TPCN2: variants seen among roughly 807,000 people sequenced by gnomAD.
TPCN2 encodes the protein two pore segment channel 2, also known as two pore channel protein 2.
TPCN2 carries 92 observed loss-of-function variants against 111.4 expected under a neutral mutation model. That is an observed-to-expected ratio of 0.83 (90% CI 0.70 to 0.98). The LOEUF (loss-of-function observed/expected upper bound fraction) is 0.98, where lower values mean the gene tolerates loss of function less well. TPCN2 is among the 50% of genes least tolerant of loss of function. The pLI, the probability that TPCN2 is intolerant of heterozygous loss-of-function variation, is 0.00. For synonymous variants in TPCN2, 405 were observed against 414.5 expected (o/e 0.98, Z 0.28); for missense variants, 995 against 980.1 (o/e 1.02, Z -0.20).
At chr11:69,050,557 T>C (rs1352629206) in intron 1 of TPCN2, among the ~76,000 whole-genome samples, 1 of 152,168 alleles carries the variant, frequency 6.6e-6, no homozygotes, top group Non-Finnish European at 1.5e-5. Context: ...TTTGTATTTT[T>C]AGTAGAGATG....
intron 5 of TPCN2, among the ~76,000 whole-genome samples, chr11:69,060,610 C>A (rs1590713616): frequency 6.6e-6 from 1 of 152,182 alleles, no homozygotes; most frequent in East Asian, 1.9e-4. Flanking sequence ...AGGCTAGTCA[C>A]CTGGATGTAC....
At position 69,069,117 on chromosome 11, in the gene TPCN2, C is replaced by G. The variant is rs566375312; in HGVS notation, c.830-1313C>G. ...GGACTATCTGAGTCCTAGGAAGTGA[C>G]CGCAGTGGGAGCAGGACTGTCTGAG... On this transcript the variant is annotated intron_variant, in intron 8 of 24. Transcript: ENST00000294309. Among the ~76,000 whole-genome samples, 5 of 138,814 alleles carry G rather than the reference C, an allele frequency of 3.6e-5. No homozygotes were observed. In the South Asian group the frequency reaches 1.2e-3, roughly 33 times the overall value. 91.1% of individuals were successfully genotyped at this position (138,814 alleles called of 152,430 possible). A position where few individuals can be genotyped will look rare whatever the true frequency, so the allele number is the denominator to read the frequency against.
chr11:69,062,918 T>G lies in TPCN2; in HGVS notation c.581T>G (p.Phe194Cys). Reference sequence around the variant, plus strand: ...ATCCGCCGGCTTCTCCGTCCCTTCTTCCTGCTGCAGAACTCCTCTATGATG... The same window carrying G: ...ATCCGCCGGCTTCTCCGTCCCTTCTGCCTGCTGCAGAACTCCTCTATGATG... ...LRIRRLLRPF[F>C]LLQNSSMMKK... is the part of the protein sequence containing the mutation. Residue 194 changes from phenylalanine (F) to cysteine (C), a missense_variant, in exon 6 of 25, where the codon TTC becomes TGC. Physicochemically the swap from Phe to Cys is radical, Grantham distance 205 (BLOSUM62 -2). Coordinates refer to ENST00000294309, the MANE Select transcript of TPCN2 (RefSeq NM_139075.4). 1.2e-6 allele frequency: 2 copies of G among 1,613,994 alleles called. No individual in the cohort carries two copies. Among genetic ancestry groups the G allele is most frequent in the Non-Finnish European group, 1.7e-6 (2 of 1,179,912 alleles).
In TPCN2 at chr11:69,085,264, G is replaced by A; in HGVS notation, c.1816G>A (p.Val606Met). The A allele has an allele frequency of 6.2e-7, 1 of 1,613,986 alleles. No homozygotes were observed. Among genetic ancestry groups the A allele is most frequent in the Non-Finnish European group, 8.5e-7 (1 of 1,179,942 alleles). ...IGINLFRGVI[V>M]ALPGNSSLAP... Reference sequence around the variant, plus strand: ...GATCAACTTGTTTAGAGGCGTCATTGTGGCTCTTCCTGGAAACAGCAGGTG... The same window carrying A: ...GATCAACTTGTTTAGAGGCGTCATTATGGCTCTTCCTGGAAACAGCAGGTG... Residue 606 changes from valine (V) to methionine (M), a missense_variant, in exon 20 of 25, where the codon GTG becomes ATG. By Grantham distance (21) the Val-to-Met change is conservative (BLOSUM62 1). Transcript: ENST00000294309.
At chr11:69,055,475 C>G (rs112634076) in intron 4 of TPCN2, 123 bp downstream of exon 4, 1 of 1,066,406 alleles carries the variant, frequency 9.4e-7, no homozygotes, top group Non-Finnish European at 1.3e-6. Context: ...GTACTTTGAC[C>G]CGGTGAGCAA....
At chr11:69,054,939 T>C (rs946656366) in intron 3 of TPCN2, 142 bp downstream of exon 3, 59 of 919,428 alleles carry the variant, frequency 6.4e-5, no homozygotes, top group Middle Eastern at 2.2e-4. Flanking sequence ...TCATCCTCTC[T>C]GGAAAGGAGA....
At chr11:69,070,557 C>T (rs1373027010) in intron 9 of TPCN2, 62 bp downstream of exon 9, 6 of 1,294,054 alleles carry the variant, frequency 4.6e-6, no homozygotes, top group African/African-American at 4.5e-5. Context: ...GGGACCGATA[C>T]ACCCTGCTGC....
At chr11:69,072,771 C>T (rs2134592335) in intron 12 of TPCN2, 63 bp downstream of exon 12, 2 of 1,595,980 alleles carry the variant, frequency 1.3e-6, no homozygotes, top group Middle Eastern at 1.9e-4. Flanking sequence ...GGGCCAGCAG[C>T]CCCTTTTCAG....
At position 69,067,483 on chromosome 11, in the gene TPCN2, G is replaced by T; in HGVS notation, c.727-20G>T. ...GGTGGGGACCCAGTGGTGCCCTGGAGCTGCCGCTTCTGCTCTTAGCAGGAT... is the reference window on the plus strand; with the variant it reads ...GGTGGGGACCCAGTGGTGCCCTGGATCTGCCGCTTCTGCTCTTAGCAGGAT... On this transcript the variant is annotated intron_variant, in intron 7 of 24. Transcript: ENST00000294309. 1 of 1,608,124 alleles carries T rather than the reference G, an allele frequency of 6.2e-7. No homozygotes were observed. Among genetic ancestry groups the T allele is most frequent in the Non-Finnish European group, 8.5e-7 (1 of 1,177,166 alleles).
intron 1 of TPCN2, among the ~76,000 whole-genome samples, chr11:69,053,101 T>C (rs10792012): frequency 0.85 from 129,081 of 152,274 alleles, 56,901 homozygotes; most frequent in Non-Finnish European, 0.99. Context: ...CTGTGGCAGG[T>C]GAGGGGCTTG....
intron 14 of TPCN2, 37 bp downstream of exon 14, chr11:69,078,638 G>A: frequency 6.2e-7 from 1 of 1,613,516 alleles, no homozygotes; most frequent in Admixed American, 1.7e-5. Flanking sequence ...GCACGGAAGT[G>A]CCGGTTCCCG....
intron 19 of TPCN2, among the ~76,000 whole-genome samples, 156 bp from the exon 20 acceptor site, chr11:69,085,054 G>A (rs535237249): frequency 3.3e-5 from 5 of 152,284 alleles, no homozygotes; most frequent in African/African-American, 4.8e-5. Context: ...GGCCAGCTGC[G>A]TGTGTTTTGA....
At chr11:69,085,001 G>T (rs1161242194) in intron 19 of TPCN2, among the ~76,000 whole-genome samples, 1 of 152,190 alleles carries the variant, frequency 6.6e-6, no homozygotes, top group East Asian at 1.9e-4. Context: ...GACCACGCCT[G>T]CCTGAGCCCC....
At chr11:69,054,008 C>T (rs1238446871) in intron 1 of TPCN2, 25 bp from the exon 2 acceptor site, 4 of 1,608,790 alleles carry the variant, frequency 2.5e-6, no homozygotes, top group South Asian at 2.2e-5. Flanking sequence ...TGCTCGGTCA[C>T]CTGATGTGTC....
chr11:69,063,670 C>G (rs1207048724), intron 6 of TPCN2, among the ~76,000 whole-genome samples: 2 of 152,188 alleles, frequency 1.3e-5, no homozygotes, highest in Non-Finnish European at 2.9e-5. Flanking sequence ...TCATTTGTCA[C>G]TGTCAAAGAA....
In TPCN2 at chr11:69,057,501, G is replaced by C. The variant is rs73514485; in HGVS notation, c.430-77G>C. Reference sequence around the variant, plus strand: ...CCTGCTCTGGTCGCCTGGTCCCTGCGCTGCGCACCGTCATTCTCTGGCTGC... The same window carrying C: ...CCTGCTCTGGTCGCCTGGTCCCTGCCCTGCGCACCGTCATTCTCTGGCTGC... On this transcript the variant is annotated intron_variant, in intron 4 of 24. Coordinates refer to ENST00000294309, the MANE Select transcript of TPCN2 (RefSeq NM_139075.4). 20,709 of 1,365,436 alleles carry C rather than the reference G, an allele frequency of 0.015. 2,378 individuals carry two copies. In the African/African-American group the frequency reaches 0.25, roughly 17 times the overall value. The allele number at this position is 1,365,436 out of a possible 1,614,324, so 84.6% of individuals were successfully genotyped here.
intron 24 of TPCN2, 116 bp from the exon 25 acceptor site, chr11:69,087,759 G>A: frequency 1.4e-6 from 1 of 728,518 alleles, no homozygotes; most frequent in African/African-American, 1.8e-5. Context: ...GTGTCTCTGT[G>A]TCCCTGTGAC....
intron 9 of TPCN2, 62 bp from the exon 10 acceptor site, chr11:69,071,294 C>A: frequency 7.2e-7 from 1 of 1,388,580 alleles, no homozygotes; most frequent in Non-Finnish European, 1.0e-6. Context: ...TGCCGGCCAC[C>A]CTTGCGTTGG....
chr11:69,072,967 T>G lies in TPCN2; in HGVS notation c.1196T>G (p.Leu399Arg). ...CTCTCAGCTGAGGAGTTTCAGAAGC[T>G]CTTCAACGAGCTTGACAGAAGTGTG... ...VLLSAEEFQKLFNELDRSVVK... is the reference protein window; with the variant it reads ...VLLSAEEFQKRFNELDRSVVK... Residue 399 changes from leucine to arginine, a missense_variant, in exon 13 of 25, where the codon CTC (leucine) becomes CGC (arginine). Physicochemically the swap from Leu to Arg is moderately radical, Grantham distance 102 (BLOSUM62 -2). Coordinates refer to ENST00000294309, the MANE Select transcript of TPCN2 (RefSeq NM_139075.4). 6.2e-7 allele frequency: 1 copy of G among 1,613,968 alleles called. No homozygotes were observed. The highest frequency in any genetic ancestry group is 1.1e-5 in the South Asian group (1 of 91,010).
Sources: allele counts gnomAD v4.1 joint callset (sites outside exome capture counted in the v4.1 genomes callset), GRCh38; gene constraint gnomAD v4.1.1; transcripts MANE v1.5; gene names NCBI Gene and HGNC (gene_info 2026-07-23, HGNC 2026-07-21).